The following RARB variants were observed in gnomAD, a reference collection of about 807,000 sequenced individuals.
RARB encodes retinoic acid receptor beta, also known as HBV-activated protein.
Under a neutral mutation model 51.9 loss-of-function variants are expected in RARB, and 17 were observed. That is an observed-to-expected ratio of 0.33 (90% CI 0.22 to 0.49). The LOEUF is 0.49. RARB is among the 20% of genes least tolerant of loss of function. RARB has a pLI of 0.99. For missense variants in RARB, 369 were observed against 550.8 expected (o/e 0.67, Z 3.30); for synonymous variants, 215 against 195.4 (o/e 1.10, Z -0.84).
intron 2 of RARB, among the ~76,000 whole-genome samples, chr3:24,974,170 T>A (rs1276578467): frequency 6.6e-6 from 1 of 152,134 alleles, no homozygotes; most frequent in East Asian, 1.9e-4. Context: ...TGATGTTGAA[T>A]TTTACCAAAA....
chr3:25,553,137 T>C (rs1699914875), intron 3 of RARB, among the ~76,000 whole-genome samples: 1 of 146,754 alleles, frequency 6.8e-6, no homozygotes, highest in Non-Finnish European at 1.5e-5. Context: ...AGATGATTTT[T>C]TTCCTGCCAT....
intron 2 of RARB, among the ~76,000 whole-genome samples, chr3:24,921,088 C>T (rs986824699): frequency 2.6e-5 from 4 of 152,126 alleles, no homozygotes; most frequent in Admixed American, 2.6e-4. Flanking sequence ...GTTCTATAGA[C>T]AGTGATTACT....
At chr3:25,015,862 A>C (rs1267735197) in intron 2 of RARB, among the ~76,000 whole-genome samples, 1 of 152,214 alleles carries the variant, frequency 6.6e-6, no homozygotes, top group Non-Finnish European at 1.5e-5. Flanking sequence ...AACCCAGAGT[A>C]CTCTGATTCT....
chr3:25,190,874 G>A (rs2125363416), intron 5 of RARB, among the ~76,000 whole-genome samples: 3 of 151,968 alleles, frequency 2.0e-5, no homozygotes, highest in Middle Eastern at 3.4e-3. Flanking sequence ...TGCCAGATGT[G>A]CCATCAAAAA....
At chr3:24,930,286 A>T (rs909189372) in intron 2 of RARB, among the ~76,000 whole-genome samples, 2 of 152,014 alleles carry the variant, frequency 1.3e-5, no homozygotes, top group Admixed American at 1.3e-4. Flanking sequence ...TATGATTCTG[A>T]ATGAAAGGGA....
At chr3:25,563,947 C>CTTTTTTTT (rs58611383) in intron 3 of RARB, among the ~76,000 whole-genome samples, 1 of 137,010 alleles carries the variant, frequency 7.3e-6, no homozygotes, top group African/African-American at 2.7e-5. Context: ...TTGTATTTTC[C>CTTTTTTTT]TTTTTTTTTT....
chr3:24,839,714 A>G (rs1702393916), intron 1 of RARB, among the ~76,000 whole-genome samples: 1 of 27,258 alleles, frequency 3.7e-5, no homozygotes, highest in Non-Finnish European at 9.6e-5. Flanking sequence ...AAAAAAAAAA[A>G]AAAAAGGGGG....
chr3:25,178,678 C>A (rs1700804448), intron 5 of RARB, among the ~76,000 whole-genome samples: 1 of 152,158 alleles, frequency 6.6e-6, no homozygotes, highest in African/African-American at 2.4e-5. Context: ...AAGGACCTTG[C>A]AACCTCTTTA....
chr3:25,004,096 A>G (rs1425921221), intron 2 of RARB, among the ~76,000 whole-genome samples: 1 of 152,110 alleles, frequency 6.6e-6, no homozygotes, highest in Non-Finnish European at 1.5e-5. Flanking sequence ...CACGGACTCA[A>G]GTTTTCTCTA....
intron 5 of RARB, among the ~76,000 whole-genome samples, chr3:25,270,450 C>G (rs937761266): frequency 1.3e-5 from 2 of 152,028 alleles, no homozygotes; most frequent in African/African-American, 4.8e-5. Flanking sequence ...GATCTGTACA[C>G]CTAAAAATTG....
At chr3:25,097,545 G>A (rs760566761) in intron 3 of RARB, among the ~76,000 whole-genome samples, 22 of 152,218 alleles carry the variant, frequency 1.4e-4, no homozygotes, top group Non-Finnish European at 2.8e-4. Flanking sequence ...TCAGGCTTGA[G>A]GAGGGAGGCT....
intron 3 of RARB, among the ~76,000 whole-genome samples, chr3:25,516,945 T>G (rs1698194129): frequency 6.6e-6 from 1 of 152,184 alleles, no homozygotes; most frequent in South Asian, 2.1e-4. Flanking sequence ...CCTTTTATTT[T>G]TATTTTTTAA....
chr3:25,225,271 A>G (rs1702031314), intron 5 of RARB, among the ~76,000 whole-genome samples: 1 of 151,608 alleles, frequency 6.6e-6, no homozygotes, highest in Non-Finnish European at 1.5e-5. Flanking sequence ...ATTAAAGAAG[A>G]CTTCAAGAAG....
intron 1 of RARB, among the ~76,000 whole-genome samples, chr3:25,454,450 G>T (rs999502561): frequency 6.6e-6 from 1 of 152,174 alleles, no homozygotes; most frequent in Non-Finnish European, 1.5e-5. Context: ...GGAGCTCTGG[G>T]CTCAAAATTC....
rs114462244 is a variant in RARB at position 25,516,520 on chromosome 3, A to C, written c.448+15197A>C. On this transcript the variant is annotated intron_variant, in intron 3 of 7. Coordinates refer to ENST00000330688, the MANE Select transcript of RARB (RefSeq NM_000965.5). ...AATCAAATTGAGACTGGCTTAGGGA[A>C]GTTAACAAAAAGTTTTGGCTGGTAC... Among the ~76,000 whole-genome samples the C allele has an allele frequency of 2.1e-3, 323 of 152,292 alleles. 1 individual carries two copies. The highest frequency in any genetic ancestry group is 7.4e-3 in the African/African-American group (308 of 41,546).
intron 2 of RARB, among the ~76,000 whole-genome samples, chr3:25,464,974 C>G (rs78048780): frequency 0.015 from 2,311 of 152,128 alleles, 51 homozygotes; most frequent in African/African-American, 0.053. Context: ...GATTAAGGTG[C>G]TTACAGTTTT....
intron 5 of RARB, among the ~76,000 whole-genome samples, chr3:25,297,626 G>A (rs891146191): frequency 2.0e-5 from 3 of 151,944 alleles, no homozygotes; most frequent in Non-Finnish European, 2.9e-5. Context: ...GCAGATCTTC[G>A]TGGGGATTTT....
chr3:24,895,884 G>A (rs1468786205), intron 2 of RARB, among the ~76,000 whole-genome samples: 1 of 152,092 alleles, frequency 6.6e-6, no homozygotes, highest in East Asian at 1.9e-4. Flanking sequence ...AAAATTGAAA[G>A]CAGGGATTCA....
chr3:25,088,252 G>A (rs1699136416), intron 3 of RARB, among the ~76,000 whole-genome samples: 1 of 152,038 alleles, frequency 6.6e-6, no homozygotes, highest in Admixed American at 6.6e-5. Flanking sequence ...CAATCCTCCA[G>A]CGACTTGATA....
Sources: allele counts gnomAD v4.1 joint callset (sites outside exome capture counted in the v4.1 genomes callset), GRCh38; gene constraint gnomAD v4.1.1; transcripts MANE v1.5; gene names NCBI Gene and HGNC (gene_info 2026-07-23, HGNC 2026-07-21).